Variants in DENND2B observed in about 807,000 individuals in gnomAD.
DENND2B encodes DENN domain containing 2B.
Under a neutral mutation model 116.0 loss-of-function variants are expected in DENND2B, and 32 were observed. That is an observed-to-expected ratio of 0.28 (90% CI 0.21 to 0.37). The LOEUF is 0.37. Among genes scored for constraint, DENND2B ranks in the 10% least tolerant of loss-of-function variants. The probability of loss-of-function intolerance (pLI) is 1.00; values close to 1 mark genes in which losing one functional copy is unlikely to be tolerated. For missense variants in DENND2B, 1,276 were observed against 1,477.7 expected (o/e 0.86, Z 2.24); for synonymous variants, 588 against 583.9 (o/e 1.01, Z -0.10).
rs1211742315 is a variant in DENND2B, at chr11:8,818,811, CT to C, written c.-114-7477del. Among the ~76,000 whole-genome samples, 3 of 152,154 alleles carry C rather than the reference CT, an allele frequency of 2.0e-5. No homozygotes were observed. The East Asian group carries it at 5.8e-4, about 29-fold the overall frequency. ...TGAATGAACTAATAAAACCAACCAA[CT>C]AATCAATCCAACTAAAAAGGGTATT... On this transcript the variant is annotated intron_variant, in intron 4 of 6. Transcript: ENST00000524757.
intron 2 of DENND2B, among the ~76,000 whole-genome samples, chr11:8,742,435 T>A (rs938286932): frequency 6.6e-6 from 1 of 152,144 alleles, no homozygotes; most frequent in African/African-American, 2.4e-5. Flanking sequence ...TTTTGGGCTG[T>A]CAGTAGGGGC....
At chr11:8,715,947 T>G in intron 5 of DENND2B, 129 bp from the exon 6 acceptor site, 1 of 804,978 alleles carries the variant, frequency 1.2e-6, no homozygotes, top group South Asian at 1.9e-5. Context: ...GCCCTGGAAC[T>G]TCCATCCCTC....
rs369207920 is a variant in DENND2B at position 8,842,594 on chromosome 11, G to A, written c.-155-3244C>T. 1.4e-4 allele frequency among the ~76,000 whole-genome samples: 22 copies of A among 152,220 alleles called. No homozygotes were observed. The East Asian group carries it at 1.7e-3, about 12-fold the overall frequency. ...TTGGAGTGCATTCAATCTGCCCTGC[G>A]CAAACACCACATCAGGTCTCTATCA... is the stretch of plus-strand genomic sequence containing the variant. On this transcript the variant is annotated intron_variant, in intron 3 of 6. Coordinates refer to the DENND2B transcript ENST00000524757.
chr11:8,821,509 A>G (rs1034194191), intron 4 of DENND2B, among the ~76,000 whole-genome samples: 2 of 151,944 alleles, frequency 1.3e-5, no homozygotes, highest in African/African-American at 4.8e-5. Context: ...AGCCTAGGAG[A>G]TAGAGGCTGC....
At chr11:8,736,849 C>T (rs2049145204) in intron 2 of DENND2B, among the ~76,000 whole-genome samples, 1 of 152,204 alleles carries the variant, frequency 6.6e-6, no homozygotes, top group Non-Finnish European at 1.5e-5. Context: ...TGGGCTTACA[C>T]TCTCAAGAGA....
intron 4 of DENND2B, among the ~76,000 whole-genome samples, chr11:8,835,020 C>T (rs562026081): frequency 3.9e-5 from 6 of 152,178 alleles, no homozygotes; most frequent in Non-Finnish European, 8.8e-5. Context: ...CCAAGGTGGG[C>T]GGATCAATTG....
At chr11:8,886,077 A>T (rs1164681901) in intron 1 of DENND2B, among the ~76,000 whole-genome samples, 1 of 152,102 alleles carries the variant, frequency 6.6e-6, no homozygotes, top group African/African-American at 2.4e-5. Context: ...TGTAGCTAAG[A>T]CTACAGGTCC....
intron 3 of DENND2B, among the ~76,000 whole-genome samples, chr11:8,855,927 G>A (rs2063178345): frequency 1.3e-5 from 2 of 152,126 alleles, no homozygotes; most frequent in South Asian, 4.2e-4. Flanking sequence ...AGATCTACCT[G>A]GTAAATTCCA....
At chr11:8,767,703 A>G (rs2056105379) in intron 1 of DENND2B, among the ~76,000 whole-genome samples, 2 of 152,212 alleles carry the variant, frequency 1.3e-5, no homozygotes, top group Admixed American at 1.3e-4. Context: ...CACTCCACTC[A>G]GTTACATGCT....
At chr11:8,750,767 AGCCAAAAGC>A (rs1303949420) in intron 1 of DENND2B, 42 bp from the exon 2 acceptor site, 1 of 1,587,264 alleles carries the variant, frequency 6.3e-7, no homozygotes, top group South Asian at 1.1e-5. Context: ...TTCTATAGGC[AGCCAAAAGC>A]ACCTTGAACA....
rs2047881869 is a variant in DENND2B, at chr11:8,730,231, C to T, written c.1059G>A (p.Glu353=). Residue 353 remains glutamate (E), a synonymous_variant, in exon 3 of 20, where the codon GAG becomes GAA. Transcript: ENST00000313726. This position sits in a 1 kb window ranked among gnomAD's most constrained non-coding sequence, Gnocchi z 4.1. Reference sequence around the variant, plus strand: ...GCTTAGTGGAACCACTGCCTTCCCTCTCTGGGGGTGGGCCCGCCTCCCCCG... The same window carrying T: ...GCTTAGTGGAACCACTGCCTTCCCTTTCTGGGGGTGGGCCCGCCTCCCCCG... The part of the protein sequence containing the change: ...GVAGEAGPPP[E]REGSGSTKPG... 1 of 1,612,646 alleles carries T rather than the reference C, an allele frequency of 6.2e-7. No individual in the cohort carries two copies. Among genetic ancestry groups the T allele is most frequent in the East Asian group, 2.2e-5 (1 of 44,872 alleles).
chr11:8,814,549 T>C (rs1308117309), upstream of DENND2B, among the ~76,000 whole-genome samples: 1 of 152,166 alleles, frequency 6.6e-6, no homozygotes, highest in Non-Finnish European at 1.5e-5. Context: ...GGATAGCTCT[T>C]ACTCACCTTG....
intron 1 of DENND2B, among the ~76,000 whole-genome samples, chr11:8,806,497 C>A (rs1157077968): frequency 6.6e-6 from 1 of 151,960 alleles, no homozygotes; most frequent in Non-Finnish European, 1.5e-5. Flanking sequence ...CCCTCCCCAA[C>A]AACAGTACAT....
chr11:8,764,757 C>T (rs187975457), intron 1 of DENND2B, among the ~76,000 whole-genome samples: 7 of 151,918 alleles, frequency 4.6e-5, no homozygotes, highest in African/African-American at 7.3e-5. Context: ...CCAGCCTGAC[C>T]AACATGGTGA....
At chr11:8,781,615 TACACACACACACACAC>T (rs35118063) in intron 1 of DENND2B, among the ~76,000 whole-genome samples, 3 of 148,914 alleles carry the variant, frequency 2.0e-5, no homozygotes, top group African/African-American at 7.4e-5. Context: ...AATTTAGGAA[TACACACACACACACAC>T]ACACACACAC....
intron 1 of DENND2B, among the ~76,000 whole-genome samples, chr11:8,765,966 G>A (rs1200941247): frequency 6.6e-6 from 1 of 152,118 alleles, no homozygotes; most frequent in Non-Finnish European, 1.5e-5. Flanking sequence ...TTGAACCTGG[G>A]AGGCGGAGGA....
At position 8,696,559 on chromosome 11, in the gene DENND2B, C is replaced by T. The variant is rs752420477; in HGVS notation, c.3160G>A (p.Ala1054Thr). 1.2e-6 allele frequency: 2 copies of T among 1,614,220 alleles called. No homozygotes were observed. Among genetic ancestry groups the T allele is most frequent in the African/African-American group, 1.3e-5 (1 of 75,052 alleles). The change falls in exon 18 of 20, where the codon GCC (alanine) becomes ACC (threonine). Residue 1054 changes from alanine to threonine, a missense_variant. Transcript: ENST00000313726. Reference sequence around the variant, plus strand: ...TTGCGGAAGGCCTCTCGCTGAAAGGCCCTCTCTCCCTTCTCACTCTGTGTC... The same window carrying T: ...TTGCGGAAGGCCTCTCGCTGAAAGGTCCTCTCTCCCTTCTCACTCTGTGTC... ...FLTQSEKGER[A>T]FQREAFRKSV... is the part of the protein sequence containing the mutation.
intron 1 of DENND2B, among the ~76,000 whole-genome samples, chr11:8,892,294 G>T (rs79434948): frequency 0.21 from 31,614 of 152,102 alleles, 3,779 homozygotes; most frequent in Middle Eastern, 0.36. Context: ...AAGCAGGAAA[G>T]ATCTAAAATT....
At chr11:8,710,800 C>A in intron 11 of DENND2B, 45 bp downstream of exon 11, 1 of 1,523,900 alleles carries the variant, frequency 6.6e-7, no homozygotes. Flanking sequence ...CACACCCTGG[C>A]CTATCCCCTG....
Sources: gnomAD v4.1 joint callset for allele counts (sites outside exome capture counted in the v4.1 genomes callset) on GRCh38, gnomAD v4.1.1 for gene constraint, Gnocchi (gnomAD v3.1) non-coding constraint, MANE v1.5 for transcripts, NCBI Gene and HGNC (gene_info 2026-07-23, HGNC 2026-07-21) for gene names.